Variants in CHSY3 observed in about 807,000 individuals in gnomAD.
CHSY3 encodes chondroitin sulfate synthase 3, also known as N-acetylgalactosaminyl-proteoglycan 3-beta-glucuronosyltransferase 3.
A neutral mutation model predicts 67.2 loss-of-function variants in CHSY3; 35 were observed. The ratio of observed to expected loss-of-function variants is 0.52; its 90% CI spans 0.40 to 0.69. The LOEUF (loss-of-function observed/expected upper bound fraction) is 0.69. Among genes scored for constraint, CHSY3 ranks in the 30% least tolerant of loss-of-function variants. The pLI is 0.00. For missense variants in CHSY3, 1,069 were observed against 1,138.5 expected (o/e 0.94, Z 0.88); for synonymous variants, 474 against 434.7 (o/e 1.09, Z -1.12).
At chr5:130,085,643 T>C (rs1766591976) in intron 2 of CHSY3, among the ~76,000 whole-genome samples, 1 of 152,112 alleles carries the variant, frequency 6.6e-6, no homozygotes, top group African/African-American at 2.4e-5. Context: ...ATTTCTTGCC[T>C]TCTGCTAGCT....
intron 2 of CHSY3, among the ~76,000 whole-genome samples, chr5:129,927,963 T>C (rs1423597387): frequency 1.3e-5 from 2 of 152,016 alleles, no homozygotes; most frequent in Non-Finnish European, 2.9e-5. Context: ...GAATGATAAT[T>C]TTATGTGATT....
intron 2 of CHSY3, among the ~76,000 whole-genome samples, chr5:129,969,773 C>T (rs1762586010): frequency 6.6e-6 from 1 of 151,868 alleles, no homozygotes; most frequent in South Asian, 2.1e-4. Context: ...AGTGCCATTT[C>T]TACAATAATT....
At position 129,928,512 on chromosome 5, in the gene CHSY3, T is replaced by C. The variant is rs114339392; in HGVS notation, c.1086+20152T>C. Among the ~76,000 whole-genome samples, 265 of 152,124 alleles carry C rather than the reference T, an allele frequency of 1.7e-3. 1 individual carries two copies. The highest frequency in any genetic ancestry group is 5.7e-3 in the Admixed American group (87 of 15,254). On this transcript the variant is annotated intron_variant, in intron 2 of 2. Transcript: ENST00000305031. ...CATCATTTTAACACTTAAGGTATCA[T>C]GTAACTTGTGGAGGAAATGGCAGTT... is the stretch of plus-strand genomic sequence containing the variant.
chr5:130,100,212 C>T (rs140840166), intron 2 of CHSY3, among the ~76,000 whole-genome samples: 156 of 152,136 alleles, frequency 1.0e-3, no homozygotes, highest in African/African-American at 3.6e-3. Context: ...AGACGAGTCT[C>T]GCTCTGTCGC....
chr5:130,111,197 GT>G (rs1767582288), intron 2 of CHSY3, among the ~76,000 whole-genome samples: 1 of 152,086 alleles, frequency 6.6e-6, no homozygotes, highest in Non-Finnish European at 1.5e-5. Context: ...AATCCCCGTA[GT>G]CATGGATCTT....
chr5:130,076,134 C>T (rs560688556), intron 2 of CHSY3, among the ~76,000 whole-genome samples: 4 of 152,022 alleles, frequency 2.6e-5, no homozygotes, highest in Non-Finnish European at 5.9e-5. Flanking sequence ...TACTTCTATG[C>T]GCTTGCATAT....
intron 2 of CHSY3, among the ~76,000 whole-genome samples, chr5:130,157,156 T>A (rs1019360296): frequency 1.3e-5 from 2 of 152,140 alleles, no homozygotes; most frequent in Admixed American, 1.3e-4. Flanking sequence ...TCAGGTAAAT[T>A]TACAGACAGC....
intron 2 of CHSY3, among the ~76,000 whole-genome samples, chr5:130,056,818 T>C (rs1765544261): frequency 6.6e-6 from 1 of 151,840 alleles, no homozygotes; most frequent in Non-Finnish European, 1.5e-5. Flanking sequence ...ATCTGTTTGA[T>C]GGGGTTGTTA....
At chr5:129,980,935 G>A (rs947630243) in intron 2 of CHSY3, among the ~76,000 whole-genome samples, 2 of 151,954 alleles carry the variant, frequency 1.3e-5, no homozygotes, top group East Asian at 1.9e-4. Context: ...GGCCGGGCGC[G>A]GTGGCTCACA....
intron 2 of CHSY3, among the ~76,000 whole-genome samples, chr5:130,128,979 A>G (rs1487454323): frequency 6.6e-6 from 1 of 151,840 alleles, no homozygotes; most frequent in East Asian, 1.9e-4. Flanking sequence ...AGAATGCTCA[A>G]TGTTATGGCT....
intron 2 of CHSY3, among the ~76,000 whole-genome samples, chr5:130,143,734 GTATATATATATATATA>G (rs372062970): frequency 7.4e-5 from 7 of 94,656 alleles, no homozygotes; most frequent in African/African-American, 3.1e-4. Context: ...GTGTGTGTGT[GTATATATATATATATA>G]TATATATGTG....
chr5:129,962,109 T>C (rs115518997), intron 2 of CHSY3, among the ~76,000 whole-genome samples: 1,632 of 152,084 alleles, frequency 0.011, 24 homozygotes, highest in African/African-American at 0.037. Flanking sequence ...AAATTTTCAT[T>C]ATGAATTATT....
chr5:130,143,771 T>C lies in CHSY3; in HGVS notation c.1087-40458T>C, dbSNP rs1213728195. On this transcript the variant is annotated intron_variant, in intron 2 of 2. Coordinates refer to ENST00000305031, the MANE Select transcript of CHSY3 (RefSeq NM_175856.5). ...ATATATATATATGTGTGTGTGTGTA[T>C]ATATATATATGTGTATATATATATA... Among the ~76,000 whole-genome samples the C allele has an allele frequency of 5.7e-3, 510 of 89,680 alleles. 8 individuals are homozygous for C. The highest frequency in any genetic ancestry group is 6.3e-3 in the Non-Finnish European group (314 of 50,218). The allele number at this position is 89,680 out of a possible 152,430, so 58.8% of individuals were successfully genotyped here. A position where few individuals can be genotyped will look rare whatever the true frequency, so the allele number is the denominator to read the frequency against.
At chr5:130,054,550 T>C (rs1171524335) in intron 2 of CHSY3, among the ~76,000 whole-genome samples, 2 of 152,134 alleles carry the variant, frequency 1.3e-5, no homozygotes, top group African/African-American at 4.8e-5. Context: ...CCCTGTGATA[T>C]TAATATTCCC....
At chr5:130,142,090 CAT>C (rs1768886205) in intron 2 of CHSY3, 1 of 163,062 alleles carries the variant, frequency 6.1e-6, no homozygotes, top group Non-Finnish European at 1.3e-5. Flanking sequence ...GAATATGGAA[CAT>C]GTGCACAGGG....
intron 2 of CHSY3, among the ~76,000 whole-genome samples, chr5:130,064,972 T>G (rs1324320772): frequency 6.6e-6 from 1 of 152,148 alleles, no homozygotes; most frequent in Non-Finnish European, 1.5e-5. Context: ...ACACATCAGT[T>G]TGCAAAAGTA....
intron 2 of CHSY3, among the ~76,000 whole-genome samples, chr5:130,087,273 C>T (rs1766676919): frequency 6.6e-6 from 1 of 152,090 alleles, no homozygotes; most frequent in Non-Finnish European, 1.5e-5. Flanking sequence ...ACTGAATGGG[C>T]AAAAACTGCA....
At chr5:130,155,111 G>T (rs936466093) in intron 2 of CHSY3, among the ~76,000 whole-genome samples, 1 of 152,194 alleles carries the variant, frequency 6.6e-6, no homozygotes, top group Non-Finnish European at 1.5e-5. Context: ...CTGAAGATGA[G>T]GTCTGTAGGA....
Position 129,952,673 on chromosome 5 carries a change from T to C in CHSY3, c.1086+44313T>C, listed in dbSNP as rs1463087483. 5.9e-5 allele frequency among the ~76,000 whole-genome samples: 9 copies of C among 152,190 alleles called. No individual in the cohort carries two copies. In the South Asian group the frequency reaches 1.7e-3, roughly 28 times the overall value. On this transcript the variant is annotated intron_variant, in intron 2 of 2. Coordinates refer to ENST00000305031, the MANE Select transcript of CHSY3 (RefSeq NM_175856.5). The stretch of plus-strand genomic sequence containing the variant: ...CAGAGAGTGCGTTTTATTTCTACTT[T>C]AGTTCAAATTATTAGATGTCTTTTG...
Sources: gnomAD v4.1 joint callset for allele counts (sites outside exome capture counted in the v4.1 genomes callset) on GRCh38, gnomAD v4.1.1 for gene constraint, MANE v1.5 for transcripts, NCBI Gene and HGNC (gene_info 2026-07-23, HGNC 2026-07-21) for gene names.